CEP57: variants seen among roughly 807,000 people sequenced by gnomAD.
CEP57 encodes the protein centrosomal protein 57.
Under a neutral mutation model 68.0 loss-of-function variants are expected in CEP57, and 40 were observed. The ratio of observed to expected loss-of-function variants is 0.59; its 90% CI spans 0.46 to 0.77. The LOEUF (loss-of-function observed/expected upper bound fraction) is 0.77, where lower values mean the gene tolerates loss of function less well. Among genes scored for constraint, CEP57 ranks in the 30% least tolerant of loss-of-function variants. CEP57 has a pLI of 0.00. For missense variants in CEP57, 606 were observed against 580.7 expected (o/e 1.04, Z -0.45); for synonymous variants, 219 against 198.7 (o/e 1.10, Z -0.86).
chr11:95,819,154 A>G (rs1054649966), intron 6 of CEP57, among the ~76,000 whole-genome samples: 11 of 152,106 alleles, frequency 7.2e-5, no homozygotes, highest in African/African-American at 2.4e-4. Context: ...ACAGACTAAA[A>G]AACATCAGAG....
chr11:95,815,994 T>C (rs773524434), intron 4 of CEP57, among the ~76,000 whole-genome samples: 2 of 152,190 alleles, frequency 1.3e-5, no homozygotes, highest in Non-Finnish European at 2.9e-5. Context: ...TTTTTGTATC[T>C]GAAGATTTTC....
At chr11:95,794,286 C>T (rs1294050777) in intron 1 of CEP57, 2 of 455,576 alleles carry the variant, frequency 4.4e-6, no homozygotes, top group African/African-American at 2.0e-5. Context: ...TGACTCAACC[C>T]GTATCATTTT....
At chr11:95,807,505 A>AAT (rs1281388746) in intron 2 of CEP57, among the ~76,000 whole-genome samples, 3 of 152,226 alleles carry the variant, frequency 2.0e-5, no homozygotes, top group African/African-American at 7.2e-5. Flanking sequence ...TAGAATAAAC[A>AAT]GCGTAGAGAA....
chr11:95,800,891 A>G (rs1246597498), intron 2 of CEP57, among the ~76,000 whole-genome samples: 1 of 152,232 alleles, frequency 6.6e-6, no homozygotes. Flanking sequence ...CTTTGTGTGA[A>G]GTTTAAATGA....
intron 6 of CEP57, among the ~76,000 whole-genome samples, chr11:95,819,764 A>G (rs183058974): frequency 4.6e-5 from 7 of 152,298 alleles, no homozygotes; most frequent in Non-Finnish European, 1.0e-4. Context: ...CTCACTTCAT[A>G]TATGTGATTA....
At chr11:95,790,471 G>A, upstream of CEP57, 1 of 598,140 alleles carries the variant, frequency 1.7e-6, no homozygotes, top group Non-Finnish European at 3.0e-6. Context: ...GATTGGCTAG[G>A]AAAGACGTCC....
At chr11:95,795,624 G>C in intron 1 of CEP57, 3 of 471,918 alleles carry the variant, frequency 6.4e-6, no homozygotes, top group Middle Eastern at 5.7e-4. Flanking sequence ...CATTAAGTAT[G>C]TTTGCCATCT....
intron 8 of CEP57, among the ~76,000 whole-genome samples, chr11:95,824,288 C>G (rs1364511933): frequency 6.6e-6 from 1 of 151,988 alleles, no homozygotes; most frequent in Non-Finnish European, 1.5e-5. Context: ...GAATCTGTCA[C>G]TGCAGCTACT....
rs141463471 is a variant in CEP57, at chr11:95,799,753, A to G, written c.202+365A>G. ...TTCATCATCTGTAGCCCAGATGTTCATAGTACATTCCTCATTAATCTCCCT... is the reference window on the plus strand; with the variant it reads ...TTCATCATCTGTAGCCCAGATGTTCGTAGTACATTCCTCATTAATCTCCCT... On this transcript the variant is annotated intron_variant, in intron 2 of 10. Coordinates refer to ENST00000325542, the MANE Select transcript of CEP57 (RefSeq NM_014679.5). Among the ~76,000 whole-genome samples, 1,067 of 152,246 alleles carry G rather than the reference A, an allele frequency of 7.0e-3. 12 individuals are homozygous for G. Among genetic ancestry groups the G allele is most frequent in the Non-Finnish European group, 0.012 (816 of 68,018 alleles).
intron 1 of CEP57, chr11:95,794,072 C>CT (rs750423602): frequency 3.0e-4 from 98 of 321,974 alleles, no homozygotes; most frequent in South Asian, 7.1e-4. Context: ...ATCCAGCATT[C>CT]TTTTTTTAAA....
intron 2 of CEP57, among the ~76,000 whole-genome samples, chr11:95,805,668 G>A (rs542372293): frequency 6.6e-6 from 1 of 152,164 alleles, no homozygotes; most frequent in Non-Finnish European, 1.5e-5. Context: ...ACTTGGAAAT[G>A]TTTTAAGATT....
chr11:95,807,427 AAG>A (rs1404704659), intron 2 of CEP57, among the ~76,000 whole-genome samples: 2 of 152,194 alleles, frequency 1.3e-5, no homozygotes, highest in Non-Finnish European at 2.9e-5. Context: ...CTCTGAGCTA[AAG>A]GAAGATATTT....
At chr11:95,809,196 C>T (rs903829347) in intron 2 of CEP57, among the ~76,000 whole-genome samples, 1 of 152,070 alleles carries the variant, frequency 6.6e-6, no homozygotes, top group Non-Finnish European at 1.5e-5. Context: ...GGGACACATT[C>T]AAAGCAGTGT....
At chr11:95,815,509 CTT>C (rs34935455) in intron 4 of CEP57, among the ~76,000 whole-genome samples, 2 of 151,182 alleles carry the variant, frequency 1.3e-5, no homozygotes, top group Non-Finnish European at 2.9e-5. Flanking sequence ...CTTATGGTAT[CTT>C]TTTTTTTATG....
At chr11:95,804,788 T>C (rs1861724287) in intron 2 of CEP57, among the ~76,000 whole-genome samples, 1 of 152,216 alleles carries the variant, frequency 6.6e-6, no homozygotes, top group Non-Finnish European at 1.5e-5. Context: ...ATCTCACATA[T>C]AAAAGCATTT....
intron 8 of CEP57, among the ~76,000 whole-genome samples, chr11:95,823,409 G>A (rs1285434930): frequency 6.6e-6 from 1 of 151,870 alleles, no homozygotes; most frequent in Non-Finnish European, 1.5e-5. Flanking sequence ...ATTTTTTGGA[G>A]ATTTTTGGCA....
intron 2 of CEP57, 67 bp downstream of exon 2, chr11:95,799,455 C>T (rs914903457): frequency 1.3e-6 from 2 of 1,588,276 alleles, no homozygotes; most frequent in Non-Finnish European, 1.7e-6. Context: ...TTAACTTTGT[C>T]CTCCATTATT....
At position 95,822,697 on chromosome 11, in the gene CEP57, A is replaced by G. The variant is rs535141102; in HGVS notation, c.885+121A>G. 13 of 864,262 alleles carry G rather than the reference A, an allele frequency of 1.5e-5. No homozygotes were observed. In the African/African-American group the frequency reaches 2.2e-4, roughly 14 times the overall value. The allele number at this position is 864,262 out of a possible 1,614,324, so 53.5% of individuals were successfully genotyped here. A position where few individuals can be genotyped will look rare whatever the true frequency, so the allele number is the denominator to read the frequency against. On this transcript the variant is annotated intron_variant, in intron 8 of 10. Coordinates refer to ENST00000325542, the MANE Select transcript of CEP57 (RefSeq NM_014679.5). ...TTTCTGTGCCTTTACCAGTGTGTGG[A>G]TCACAGTGATGTGAAAATGAGATGT... is the stretch of plus-strand genomic sequence containing the variant.
chr11:95,790,818 G>A lies in CEP57; in HGVS notation c.45+75G>A, dbSNP rs192335430. On this transcript the variant is annotated intron_variant, in intron 1 of 10. Transcript: ENST00000325542. ...TTTGAGTTTCCTCACGTTTCAGGGC[G>A]CTGTCAGTCCAGCTTCTGACGCAAT... The A allele has an allele frequency of 1.7e-4, 259 of 1,544,874 alleles. No homozygotes were observed. In the East Asian group the frequency reaches 5.5e-3, roughly 33 times the overall value.
Sources: allele counts gnomAD v4.1 joint callset (sites outside exome capture counted in the v4.1 genomes callset), GRCh38; gene constraint gnomAD v4.1.1; transcripts MANE v1.5; gene names NCBI Gene and HGNC (gene_info 2026-07-23, HGNC 2026-07-21).